The following TRHDE variants were observed in gnomAD, a reference collection of about 807,000 sequenced individuals.
TRHDE encodes thyrotropin releasing hormone degrading enzyme.
TRHDE carries 72 observed loss-of-function variants against 125.7 expected under a neutral mutation model. That is an observed-to-expected ratio of 0.57 (90% CI 0.47 to 0.70). The LOEUF is 0.70. Ranked by LOEUF, TRHDE falls within the 30% of genes least tolerant of loss-of-function variation. The pLI is 0.00. For synonymous variants in TRHDE, 509 were observed against 509.1 expected (o/e 1.00, Z 0.00); for missense variants, 1,110 against 1,327.1 (o/e 0.84, Z 2.54).
chr12:72,298,125 G>A (rs1255466882), intron 2 of TRHDE, among the ~76,000 whole-genome samples: 1 of 152,080 alleles, frequency 6.6e-6, no homozygotes, highest in Non-Finnish European at 1.5e-5. Context: ...ATATTGAAGA[G>A]GCTAATAGAA....
chr12:72,316,467 C>T (rs762737881), intron 2 of TRHDE, among the ~76,000 whole-genome samples: 16 of 152,130 alleles, frequency 1.1e-4, no homozygotes, highest in Non-Finnish European at 1.9e-4. Flanking sequence ...CGAAAACACC[C>T]GGATAACCAC....
intron 2 of TRHDE, among the ~76,000 whole-genome samples, chr12:72,315,494 A>T (rs1868755779): frequency 6.6e-6 from 1 of 152,148 alleles, no homozygotes; most frequent in African/African-American, 2.4e-5. Flanking sequence ...GCATAGCTCT[A>T]GCCTTATTGC....
intron 2 of TRHDE, among the ~76,000 whole-genome samples, chr12:72,373,708 C>A (rs1200252813): frequency 1.3e-5 from 2 of 152,162 alleles, no homozygotes; most frequent in African/African-American, 4.8e-5. Context: ...GATGGAGGAA[C>A]TAGCCATGGG....
chr12:72,230,517 T>A (rs1878227439), intron 2 of TRHDE, among the ~76,000 whole-genome samples: 3 of 152,204 alleles, frequency 2.0e-5, no homozygotes, highest in Admixed American at 2.0e-4. Context: ...TCCGTAGAAG[T>A]AAATTGTTCA....
chr12:72,251,916 T>G (rs1421638238), intron 2 of TRHDE, among the ~76,000 whole-genome samples: 1 of 152,156 alleles, frequency 6.6e-6, no homozygotes, highest in Non-Finnish European at 1.5e-5. Flanking sequence ...TTGAAATCTT[T>G]TTACATGCAT....
chr12:72,491,920 T>G (rs1877701578), intron 5 of TRHDE, among the ~76,000 whole-genome samples: 1 of 152,042 alleles, frequency 6.6e-6, no homozygotes, highest in Admixed American at 6.6e-5. Context: ...CAATAAGAGA[T>G]ATGCCTGGAG....
intron 1 of TRHDE, among the ~76,000 whole-genome samples, chr12:72,281,939 C>T (rs1452341871): frequency 6.6e-6 from 1 of 152,120 alleles, no homozygotes; most frequent in Admixed American, 6.5e-5. Flanking sequence ...TCCTTCTTAG[C>T]TCAACCAAAA....
At chr12:72,356,504 C>G (rs1870828612) in intron 2 of TRHDE, among the ~76,000 whole-genome samples, 1 of 150,848 alleles carries the variant, frequency 6.6e-6, no homozygotes, top group Non-Finnish European at 1.5e-5. Flanking sequence ...ACCTATATAA[C>G]AAACCTGCAC....
upstream of TRHDE, among the ~76,000 whole-genome samples, chr12:72,269,366 G>A (rs1303820778): frequency 6.6e-6 from 1 of 152,092 alleles, no homozygotes; most frequent in East Asian, 1.9e-4. Flanking sequence ...AGTAAGTTGT[G>A]TCCATTCTAT....
intron 15 of TRHDE, among the ~76,000 whole-genome samples, chr12:72,643,151 G>A (rs1874138440): frequency 6.6e-6 from 1 of 152,130 alleles, no homozygotes; most frequent in Admixed American, 6.6e-5. Context: ...GATGGGGTGA[G>A]AAGAGGTGCT....
At chr12:72,279,354 A>C (rs79408253) in intron 1 of TRHDE, among the ~76,000 whole-genome samples, 1 of 2,656 alleles carries the variant, frequency 3.8e-4, no homozygotes, top group Non-Finnish European at 6.6e-4. Flanking sequence ...TTCACCCCCA[A>C]TGCTCATCCT....
chr12:72,238,460 G>A (rs1878407600), intron 2 of TRHDE, among the ~76,000 whole-genome samples: 1 of 148,278 alleles, frequency 6.7e-6, no homozygotes, highest in African/African-American at 2.5e-5. Context: ...TGTTACATAG[G>A]TATGCACGTG....
At chr12:72,209,913 C>CATTGA (rs1371258082) in intron 2 of TRHDE, among the ~76,000 whole-genome samples, 1 of 152,012 alleles carries the variant, frequency 6.6e-6, no homozygotes, top group Non-Finnish European at 1.5e-5. Flanking sequence ...TGTTTATTAT[C>CATTGA]ATTGAATTGT....
At chr12:72,336,977 A>G (rs997485809) in intron 2 of TRHDE, among the ~76,000 whole-genome samples, 11 of 152,304 alleles carry the variant, frequency 7.2e-5, no homozygotes, top group African/African-American at 2.2e-4. Context: ...AGCATGTTAG[A>G]AATGCAGAAT....
At chr12:72,620,146 TGTAAAA>T (rs1018022931) in intron 13 of TRHDE, among the ~76,000 whole-genome samples, 9 of 152,050 alleles carry the variant, frequency 5.9e-5, no homozygotes, top group African/African-American at 1.9e-4. Context: ...ATTAAACCTT[TGTAAAA>T]GTAAAATATA....
At chr12:72,094,219 A>C (rs1306653955) in intron 1 of TRHDE, among the ~76,000 whole-genome samples, 1 of 152,182 alleles carries the variant, frequency 6.6e-6, no homozygotes, top group Non-Finnish European at 1.5e-5. Context: ...CACCAGGTGC[A>C]CTGACAATGT....
Position 72,453,324 on chromosome 12 carries a change from A to T in TRHDE, c.1316-16434A>T, listed in dbSNP as rs146122918. On this transcript the variant is annotated intron_variant, in intron 3 of 18. Transcript: ENST00000261180. ...TGTAAATGCCCTAGGGATATGTGGA[A>T]GTTTGAACTTGAGAGTGATTACCTA... 2.4e-3 allele frequency among the ~76,000 whole-genome samples: 362 copies of T among 152,310 alleles called. 1 individual carries two copies. Among genetic ancestry groups the T allele is most frequent in the Non-Finnish European group, 3.9e-3 (262 of 68,038 alleles).
chr12:72,496,450 G>A (rs1310193327), intron 5 of TRHDE, among the ~76,000 whole-genome samples: 1 of 152,136 alleles, frequency 6.6e-6, no homozygotes, highest in Non-Finnish European at 1.5e-5. Context: ...CCTGTGCAGG[G>A]GAATTTCCAT....
chr12:72,387,285 T>C (rs978386390), intron 3 of TRHDE, among the ~76,000 whole-genome samples: 2 of 152,158 alleles, frequency 1.3e-5, no homozygotes, highest in African/African-American at 4.8e-5. Context: ...TATCAGCAAA[T>C]CCTTTTGGCT....
Sources: allele counts gnomAD v4.1 joint callset (sites outside exome capture counted in the v4.1 genomes callset), GRCh38; gene constraint gnomAD v4.1.1; transcripts MANE v1.5; gene names NCBI Gene and HGNC (gene_info 2026-07-23, HGNC 2026-07-21).